PCDHGB1: variants seen among roughly 807,000 people sequenced by gnomAD.
PCDHGB1 encodes protocadherin gamma subfamily B, 1, also known as protocadherin gamma-B1.
PCDHGB1 carries 34 observed loss-of-function variants against 56.6 expected under a neutral mutation model. That is an observed-to-expected ratio of 0.60 (90% CI 0.46 to 0.80). PCDHGB1 has a LOEUF of 0.80. PCDHGB1 is among the 30% of genes least tolerant of loss of function. PCDHGB1 has a pLI of 0.00. For synonymous variants in PCDHGB1, 561 were observed against 505.9 expected, an observed-to-expected ratio of 1.11 and a Z score of -1.46; for missense variants, 1,278 against 1,204.6, an observed-to-expected ratio of 1.06 and a Z score of -0.90.
intron 1 of PCDHGB1, chr5:141,371,868 G>A (rs755178809): frequency 2.5e-6 from 4 of 1,613,510 alleles, no homozygotes; most frequent in Non-Finnish European, 3.4e-6. Context: ...CTACTACATC[G>A]TGGCCAGTGA....
intron 1 of PCDHGB1, chr5:141,421,143 A>T (rs2096549098): frequency 3.1e-6 from 3 of 964,414 alleles, no homozygotes; most frequent in Non-Finnish European, 4.5e-6. Flanking sequence ...TTTTGGATGT[A>T]GTCGGCCTAG....
chr5:141,361,088 G>A (rs1413584575), intron 1 of PCDHGB1: 2 of 1,613,904 alleles, frequency 1.2e-6, no homozygotes, highest in African/African-American at 1.3e-5. Context: ...TACACTCTGA[G>A]TATCGAAGCA....
chr5:141,353,757 AT>A (rs1189530295), intron 1 of PCDHGB1, among the ~76,000 whole-genome samples: 1 of 152,166 alleles, frequency 6.6e-6, no homozygotes, highest in Admixed American at 6.5e-5. Flanking sequence ...ACATGTTGAG[AT>A]TTTTTTAATG....
chr5:141,389,605 A>G (rs1370742468), intron 1 of PCDHGB1: 2 of 1,613,092 alleles, frequency 1.2e-6, no homozygotes, highest in Non-Finnish European at 1.7e-6. Flanking sequence ...GCGCTCTTCG[A>G]TATGGTGCCG....
At chr5:141,365,174 C>T (rs748996894) in intron 1 of PCDHGB1, 28 of 1,613,760 alleles carry the variant, frequency 1.7e-5, no homozygotes, top group Non-Finnish European at 2.1e-5. Flanking sequence ...CTACTCTTTT[C>T]GCAATGAAGA....
intron 1 of PCDHGB1, chr5:141,409,829 A>AGC (rs2095323181): frequency 6.2e-7 from 1 of 1,610,980 alleles, no homozygotes; most frequent in African/African-American, 1.3e-5. Context: ...GCCCACGCTC[A>AGC]GCGCCAACGT....
chr5:141,375,010 T>C (rs1771037027), intron 1 of PCDHGB1: 3 of 1,613,932 alleles, frequency 1.9e-6, no homozygotes, highest in Non-Finnish European at 1.7e-6. Context: ...ATCTAGACTA[T>C]GAGGACTCGA....
chr5:141,430,750 G>A (rs746434313), intron 1 of PCDHGB1: 2 of 1,500,586 alleles, frequency 1.3e-6, no homozygotes, highest in Non-Finnish European at 1.8e-6. Context: ...AATTCTGGAG[G>A]AAGATAAGAA....
At position 141,482,865 on chromosome 5, in the gene PCDHGB1, A is replaced by G. The variant is rs557581796; in HGVS notation, c.2410-11942A>G. ...GGTGGGCAGATCACTTGAGGTCAGG[A>G]GTTTGAAACCAGCCTGGCCAACATG... On this transcript the variant is annotated intron_variant, in intron 1 of 3. Coordinates refer to ENST00000523390, the MANE Select transcript of PCDHGB1 (RefSeq NM_018922.3). Among the ~76,000 whole-genome samples, 66 of 152,206 alleles carry G rather than the reference A, an allele frequency of 4.3e-4. 1 individual carries two copies. Among genetic ancestry groups the G allele is most frequent in the African/African-American group, 1.5e-3 (61 of 41,516 alleles).
At chr5:141,421,206 G>A in intron 1 of PCDHGB1, 1 of 1,531,730 alleles carries the variant, frequency 6.5e-7, no homozygotes, top group Non-Finnish European at 8.8e-7. Context: ...AGAAACCGCG[G>A]AATATCGGCT....
At chr5:141,407,261 C>G (rs1396861077) in intron 1 of PCDHGB1, among the ~76,000 whole-genome samples, 1 of 152,128 alleles carries the variant, frequency 6.6e-6, no homozygotes, top group Non-Finnish European at 1.5e-5. Flanking sequence ...TATTTTTAAC[C>G]ATGCAACAAG....
intron 1 of PCDHGB1, chr5:141,375,726 T>C (rs1771809693): frequency 6.2e-7 from 1 of 1,614,262 alleles, no homozygotes; most frequent in East Asian, 2.2e-5. Flanking sequence ...AACGTGTCAC[T>C]GAGCCTGTTT....
At position 141,459,533 on chromosome 5, in the gene PCDHGB1, A is replaced by AT. The variant is rs956234847; in HGVS notation, c.2410-35266dup. Among the ~76,000 whole-genome samples the AT allele has an allele frequency of 1.2e-4, 18 of 152,018 alleles. No homozygotes were observed. In the South Asian group the frequency reaches 2.3e-3, roughly 19 times the overall value. ...CATGTACAAGTATTTTTGTAGGCAT[A>AT]TTTTTTTTATTTCTCTTGGATAAAT... is the stretch of plus-strand genomic sequence containing the variant. On this transcript the variant is annotated intron_variant, in intron 1 of 3. Transcript: ENST00000523390.
At position 141,487,666 on chromosome 5, in the gene PCDHGB1, C is replaced by T. The variant is rs2099657736; in HGVS notation, c.2410-7141C>T. 1 of 1,612,838 alleles carries T rather than the reference C, an allele frequency of 6.2e-7. No homozygotes were observed. Among genetic ancestry groups the T allele is most frequent in the South Asian group, 1.1e-5 (1 of 90,712 alleles). Reference sequence around the variant, plus strand: ...TGCTTGAGGGTTATTCTGATCCAGGCATATGGCTAGGCCATGTCCTAGAGA... The same window carrying T: ...TGCTTGAGGGTTATTCTGATCCAGGTATATGGCTAGGCCATGTCCTAGAGA... On this transcript the variant is annotated intron_variant, in intron 1 of 3. Coordinates refer to ENST00000523390, the MANE Select transcript of PCDHGB1 (RefSeq NM_018922.3). This position sits in a 1 kb window ranked among gnomAD's most constrained non-coding sequence, Gnocchi z 5.0.
rs531352412 is a variant in PCDHGB1, at chr5:141,382,380, A to G, written c.2409+29711A>G. ...AATAAAATTTACCTTTTTGCCTTCAATAACTGATTTTCCCATGTGCAATAA... is the reference window on the plus strand; with the variant it reads ...AATAAAATTTACCTTTTTGCCTTCAGTAACTGATTTTCCCATGTGCAATAA... On this transcript the variant is annotated intron_variant, in intron 1 of 3. Coordinates refer to ENST00000523390, the MANE Select transcript of PCDHGB1 (RefSeq NM_018922.3). 3.3e-5 allele frequency among the ~76,000 whole-genome samples: 5 copies of G among 152,324 alleles called. No individual in the cohort carries two copies. The South Asian group carries it at 8.3e-4, about 25-fold the overall frequency.
chr5:141,356,454 T>C, intron 1 of PCDHGB1: 1 of 1,613,414 alleles, frequency 6.2e-7, no homozygotes, highest in Non-Finnish European at 8.5e-7. Context: ...TCTCAGAATA[T>C]AACATCACTG....
chr5:141,419,138 A>G (rs1590146439), intron 1 of PCDHGB1: 1 of 1,613,920 alleles, frequency 6.2e-7, no homozygotes, highest in Non-Finnish European at 8.5e-7. Flanking sequence ...AGCCACAGAC[A>G]GGGGCAAGCC....
chr5:141,358,466 T>A (rs1432886390), intron 1 of PCDHGB1, among the ~76,000 whole-genome samples: 1 of 152,230 alleles, frequency 6.6e-6, no homozygotes, highest in Non-Finnish European at 1.5e-5. Context: ...ACTGGCAATT[T>A]GTGAGTTTAA....
chr5:141,420,382 C>A, intron 1 of PCDHGB1: 1 of 1,300,530 alleles, frequency 7.7e-7, no homozygotes. Flanking sequence ...ATAGAGTTCG[C>A]AAAATATAGG....
Sources: allele counts gnomAD v4.1 joint callset (sites outside exome capture counted in the v4.1 genomes callset), GRCh38; gene constraint gnomAD v4.1.1; non-coding constraint Gnocchi (gnomAD v3.1); transcripts MANE v1.5; gene names NCBI Gene and HGNC (gene_info 2026-07-23, HGNC 2026-07-21).